The following ABI1 variants were observed in gnomAD, a reference collection of about 807,000 sequenced individuals.
ABI1 encodes Abelson interactor 1.
Under a neutral mutation model 54.6 loss-of-function variants are expected in ABI1, and 14 were observed. That is an observed-to-expected ratio of 0.26 (90% CI 0.17 to 0.40). ABI1 has a LOEUF of 0.40. Among genes scored for constraint, ABI1 ranks in the 10% least tolerant of loss-of-function variants. ABI1 has a pLI of 1.00. For missense variants in ABI1, 443 were observed against 598.3 expected (o/e 0.74, Z 2.71); for synonymous variants, 194 against 209.3 (o/e 0.93, Z 0.63).
intron 2 of ABI1, among the ~76,000 whole-genome samples, chr10:26,799,722 G>A (rs971095284): frequency 3.9e-5 from 6 of 152,096 alleles, no homozygotes; most frequent in Admixed American, 1.3e-4. Context: ...TGCGTTAGAA[G>A]TTCAAGTACC....
At chr10:26,833,582 A>G (rs1218050466) in intron 1 of ABI1, among the ~76,000 whole-genome samples, 1 of 152,222 alleles carries the variant, frequency 6.6e-6, no homozygotes, top group Non-Finnish European at 1.5e-5. Context: ...TAGCTCTATT[A>G]GTCCAAAACA....
chr10:26,771,067 G>C lies in ABI1; in HGVS notation c.477+8C>G, dbSNP rs748300422. On this transcript the variant is annotated splice_region_variant and intron_variant, in intron 4 of 10. Coordinates refer to ENST00000376140, the MANE Select transcript of ABI1 (RefSeq NM_001012750.3). The stretch of plus-strand genomic sequence containing the variant: ...ACTGTGGATCAAATGATAAGTAATG[G>C]CTCTTACCTTGGCTTTTAGCCACTT... 4 of 1,613,510 alleles carry C rather than the reference G, an allele frequency of 2.5e-6. No homozygotes were observed. In the South Asian group the frequency reaches 3.3e-5, roughly 13 times the overall value.
At chr10:26,810,249 A>T (rs2047142914) in intron 2 of ABI1, among the ~76,000 whole-genome samples, 1 of 152,142 alleles carries the variant, frequency 6.6e-6, no homozygotes, top group Non-Finnish European at 1.5e-5. Context: ...TTCTTCCATC[A>T]TATCTTACGC....
intron 6 of ABI1, among the ~76,000 whole-genome samples, chr10:26,767,127 A>G (rs193094413): frequency 1.3e-5 from 2 of 152,340 alleles, no homozygotes; most frequent in African/African-American, 4.8e-5. Flanking sequence ...ACAACACTTA[A>G]TAACTGCTTG....
intron 2 of ABI1, among the ~76,000 whole-genome samples, chr10:26,816,021 T>C (rs555223885): frequency 2.0e-5 from 3 of 152,334 alleles, no homozygotes; most frequent in South Asian, 4.1e-4. Flanking sequence ...CAGATGAGCA[T>C]CATTACTGGT....
chr10:26,843,368 C>T (rs1285424308), intron 1 of ABI1, among the ~76,000 whole-genome samples: 2 of 141,912 alleles, frequency 1.4e-5, no homozygotes, highest in Admixed American at 7.4e-5. Flanking sequence ...GCAGGAGAAT[C>T]GCTTGAACCT....
At chr10:26,852,825 G>A (rs575091606) in intron 1 of ABI1, among the ~76,000 whole-genome samples, 173 of 152,272 alleles carry the variant, frequency 1.1e-3, no homozygotes, top group Non-Finnish European at 1.8e-3. Context: ...CCAACACTTC[G>A]GGAGGCCAAG....
chr10:26,817,876 C>A (rs1206236893), intron 2 of ABI1, among the ~76,000 whole-genome samples: 3 of 152,044 alleles, frequency 2.0e-5, no homozygotes, highest in Non-Finnish European at 4.4e-5. Context: ...CAATTCCTGG[C>A]CGGGCACGGT....
chr10:26,776,925 T>C, intron 3 of ABI1, 140 bp downstream of exon 3: 2 of 768,694 alleles, frequency 2.6e-6, no homozygotes, highest in Non-Finnish European at 3.9e-6. Context: ...CTTAGTAAAA[T>C]TCATATTAAA....
At chr10:26,790,044 T>A (rs190886861) in intron 2 of ABI1, among the ~76,000 whole-genome samples, 1 of 152,230 alleles carries the variant, frequency 6.6e-6, no homozygotes, top group Non-Finnish European at 1.5e-5. Context: ...TGATGGGACA[T>A]TTAGATTGAT....
chr10:26,800,249 G>A lies in ABI1; in HGVS notation c.285+22889C>T, dbSNP rs568245076. On this transcript the variant is annotated intron_variant, in intron 2 of 10. Transcript: ENST00000376140. The stretch of plus-strand genomic sequence containing the variant: ...AAATACAAAAAATTAGCCGGGCATG[G>A]TGGCGTGTGCCTACAGTCACAGCTA... Among the ~76,000 whole-genome samples the A allele has an allele frequency of 4.1e-3, 622 of 152,222 alleles. 5 individuals carry two copies. Among genetic ancestry groups the A allele is most frequent in the Non-Finnish European group, 6.7e-3 (455 of 68,000 alleles).
chr10:26,833,969 C>A lies in ABI1; in HGVS notation c.118-10664G>T, dbSNP rs544600309. Among the ~76,000 whole-genome samples the A allele has an allele frequency of 1.1e-4, 16 of 152,238 alleles. No homozygotes were observed. The South Asian group carries it at 3.1e-3, about 30-fold the overall frequency. On this transcript the variant is annotated intron_variant, in intron 1 of 10. Coordinates refer to ENST00000376140, the MANE Select transcript of ABI1 (RefSeq NM_001012750.3). ...CTGGGGCCGGGCACAGTGGCTCATG[C>A]CTGTAATCCAGCACTTTGGAAGGCC...
At chr10:26,807,985 G>A (rs866729765) in intron 2 of ABI1, among the ~76,000 whole-genome samples, 5 of 152,058 alleles carry the variant, frequency 3.3e-5, no homozygotes, top group South Asian at 4.1e-4. Context: ...CCAGCTACTC[G>A]GGAGGCTGGG....
chr10:26,752,044 T>C (rs1485998522), intron 9 of ABI1, among the ~76,000 whole-genome samples: 1 of 152,240 alleles, frequency 6.6e-6, no homozygotes, highest in African/African-American at 2.4e-5. Context: ...TGTCTCTTTT[T>C]ATAAGGATTA....
At chr10:26,851,730 C>T (rs1055054801) in intron 1 of ABI1, among the ~76,000 whole-genome samples, 1 of 151,290 alleles carries the variant, frequency 6.6e-6, no homozygotes, top group African/African-American at 2.5e-5. Flanking sequence ...TGTCTCTCTT[C>T]CATTATAAAA....
intron 1 of ABI1, among the ~76,000 whole-genome samples, chr10:26,851,001 C>G (rs2050341317): frequency 6.6e-6 from 1 of 152,024 alleles, no homozygotes; most frequent in Non-Finnish European, 1.5e-5. Context: ...AAAGGTCTAT[C>G]AGAGAAGCCA....
intron 10 of ABI1, 60 bp from the exon 11 acceptor site, chr10:26,748,805 T>G: frequency 8.0e-7 from 1 of 1,245,316 alleles, no homozygotes; most frequent in South Asian, 1.4e-5. Flanking sequence ...TTACTTGAAT[T>G]TTAAGACAAA....
At chr10:26,849,046 C>A (rs2050200559) in intron 1 of ABI1, among the ~76,000 whole-genome samples, 2 of 152,170 alleles carry the variant, frequency 1.3e-5, no homozygotes, top group South Asian at 2.1e-4. Flanking sequence ...GGTATTAAGT[C>A]TACTGAACCA....
chr10:26,794,917 G>A (rs977543396), intron 2 of ABI1, among the ~76,000 whole-genome samples: 2 of 152,040 alleles, frequency 1.3e-5, no homozygotes, highest in South Asian at 2.1e-4. Flanking sequence ...GCTGAGTTGG[G>A]CGGATTGCTT....
Sources: allele counts gnomAD v4.1 joint callset (sites outside exome capture counted in the v4.1 genomes callset), GRCh38; gene constraint gnomAD v4.1.1; transcripts MANE v1.5; gene names NCBI Gene and HGNC (gene_info 2026-07-23, HGNC 2026-07-21).